SGCG: variants seen among roughly 807,000 people sequenced by gnomAD.
SGCG encodes sarcoglycan gamma.
SGCG carries 26 observed loss-of-function variants against 29.3 expected under a neutral mutation model. The ratio of observed to expected loss-of-function variants is 0.89; its 90% CI spans 0.65 to 1.23. The LOEUF (loss-of-function observed/expected upper bound fraction) is 1.23, where lower values mean the gene tolerates loss of function less well. Among genes scored for constraint, SGCG ranks in the 50% most tolerant of loss-of-function variants. The pLI, the probability that SGCG is intolerant of heterozygous loss-of-function variation, is 0.00. For missense variants in SGCG, 353 were observed against 356.0 expected (o/e 0.99, Z 0.07); for synonymous variants, 145 against 129.7 (o/e 1.12, Z -0.80).
chr13:23,178,900 G>T (rs1876640520), upstream of SGCG, among the ~76,000 whole-genome samples: 1 of 152,150 alleles, frequency 6.6e-6, no homozygotes, highest in African/African-American at 2.4e-5. Flanking sequence ...AGGAAGAAAG[G>T]TCAGCGCTAA....
At chr13:23,169,789 T>C in the SGCG span, 1 of 152,388 alleles carries the variant, frequency 6.6e-6, no homozygotes, top group African/African-American at 2.4e-5. Context: ...CTCAAACTTG[T>C]ATTGGATTCT....
chr13:23,250,007 C>T (rs1341099033), intron 3 of SGCG, among the ~76,000 whole-genome samples: 2 of 152,158 alleles, frequency 1.3e-5, no homozygotes, highest in Non-Finnish European at 2.9e-5. Flanking sequence ...TTTACTGATA[C>T]ATAAAATTGT....
Position 23,324,830 on chromosome 13 carries a change from CT to C in SGCG, c.*290del, listed in dbSNP as rs1290539166. 2 of 420,336 alleles carry C rather than the reference CT, an allele frequency of 4.8e-6. No homozygotes were observed. Among genetic ancestry groups the C allele is most frequent in the South Asian group, 2.0e-5 (1 of 49,056 alleles). The allele number at this position is 420,336 out of a possible 1,614,324, so 26.0% of individuals were successfully genotyped here. ...CGAATTCTCTCTGCCTCGCCTCCCC[CT>C]ATCTTGTCCGTGTGGGCACACACTG... On this transcript the variant is annotated 3_prime_UTR_variant, in exon 8 of 8. Transcript: ENST00000218867.
intron 4 of SGCG, among the ~76,000 whole-genome samples, chr13:23,255,635 C>A (rs956729186): frequency 6.6e-6 from 1 of 152,142 alleles, no homozygotes; most frequent in African/African-American, 2.4e-5. Flanking sequence ...GTAGATCCCT[C>A]ATGATTGGTT....
intron 2 of SGCG, among the ~76,000 whole-genome samples, chr13:23,233,082 G>A (rs1879171525): frequency 6.6e-6 from 1 of 152,142 alleles, no homozygotes; most frequent in Non-Finnish European, 1.5e-5. Flanking sequence ...CGAAAGAATT[G>A]AAAACAGGGC....
the SGCG span, among the ~76,000 whole-genome samples, chr13:23,173,894 T>C: frequency 6.6e-6 from 1 of 152,202 alleles, no homozygotes; most frequent in South Asian, 2.1e-4. Flanking sequence ...TCTTACTCAG[T>C]GTAAACTAGA....
intron 2 of SGCG, among the ~76,000 whole-genome samples, chr13:23,233,731 G>A (rs926532522): frequency 2.0e-5 from 3 of 152,132 alleles, no homozygotes; most frequent in African/African-American, 7.2e-5. Context: ...AAATGGATAA[G>A]CCTCCAAACT....
At chr13:23,249,552 GA>G (rs57474138) in intron 3 of SGCG, among the ~76,000 whole-genome samples, 107,573 of 151,940 alleles carry the variant, frequency 0.71, 38,810 homozygotes, top group East Asian at 0.91. Context: ...CAAGTAAAGC[GA>G]AAAAAATGTG....
chr13:23,226,290 TACTG>T (rs922518734), intron 2 of SGCG, among the ~76,000 whole-genome samples: 1 of 152,044 alleles, frequency 6.6e-6, no homozygotes, highest in African/African-American at 2.4e-5. Flanking sequence ...ACCAAATCAA[TACTG>T]ACTAAATGAA....
upstream of SGCG, among the ~76,000 whole-genome samples, chr13:23,178,144 C>T (rs1415179782): frequency 6.6e-6 from 1 of 152,182 alleles, no homozygotes; most frequent in Non-Finnish European, 1.5e-5. Flanking sequence ...CATCATTCCT[C>T]TGGCAGTCCC....
At chr13:23,186,707 C>G (rs934109262) in intron 1 of SGCG, among the ~76,000 whole-genome samples, 4 of 152,098 alleles carry the variant, frequency 2.6e-5, no homozygotes, top group Non-Finnish European at 4.4e-5. Context: ...GTTCTATCAC[C>G]CTGTCAGGCC....
chr13:23,278,131 G>A (rs1455802188), intron 4 of SGCG, among the ~76,000 whole-genome samples: 1 of 152,060 alleles, frequency 6.6e-6, no homozygotes, highest in Admixed American at 6.5e-5. Context: ...ACTGTGCCCA[G>A]CCTCAACTTA....
At chr13:23,213,120 A>G (rs1176683904) in intron 2 of SGCG, among the ~76,000 whole-genome samples, 3 of 152,130 alleles carry the variant, frequency 2.0e-5, no homozygotes, top group African/African-American at 7.2e-5. Context: ...AAGTACCCAT[A>G]TCTTTGCAGT....
intron 2 of SGCG, among the ~76,000 whole-genome samples, chr13:23,215,308 G>T (rs756277734): frequency 1.1e-4 from 16 of 152,076 alleles, no homozygotes; most frequent in Non-Finnish European, 2.2e-4. Flanking sequence ...ATGTCTTCTG[G>T]TAACATAGTT....
At position 23,233,350 on chromosome 13, in the gene SGCG, G is replaced by C. The variant is rs918888872; in HGVS notation, c.196-1261G>C. ...ATATGATATGATTCCACTTACATAA[G>C]GTACTTAGAATAATCAAATTCATAG... On this transcript the variant is annotated intron_variant, in intron 2 of 7. Transcript: ENST00000218867. Among the ~76,000 whole-genome samples the C allele has an allele frequency of 5.9e-5, 9 of 152,182 alleles. No individual in the cohort carries two copies. The South Asian group carries it at 1.7e-3, about 28-fold the overall frequency.
chr13:23,241,573 C>T (rs1879517641), intron 3 of SGCG, among the ~76,000 whole-genome samples: 1 of 152,160 alleles, frequency 6.6e-6, no homozygotes, highest in Non-Finnish European at 1.5e-5. Context: ...CCTTCTCAAA[C>T]TTTTTCAAAA....
At chr13:23,302,693 T>A (rs1479577041) in intron 6 of SGCG, among the ~76,000 whole-genome samples, 1 of 152,130 alleles carries the variant, frequency 6.6e-6, no homozygotes, top group Middle Eastern at 3.2e-3. Context: ...ATATTAAGAT[T>A]TTTGATAGTA....
At chr13:23,220,682 A>G (rs9578555) in intron 2 of SGCG, among the ~76,000 whole-genome samples, 17,098 of 152,150 alleles carry the variant, frequency 0.11, 1,187 homozygotes, top group Middle Eastern at 0.15. Context: ...TAGATGATCA[A>G]CTCCACCAAT....
chr13:23,299,419 TATATATATATATATATATATATATATATA>T (rs1566037318), intron 6 of SGCG, among the ~76,000 whole-genome samples: 2 of 2,984 alleles, frequency 6.7e-4, no homozygotes, highest in Non-Finnish European at 2.0e-3. Context: ...TATATATATA[TATATATATATATATATATATATATATATA>T]TATATATATT....
Sources: allele counts gnomAD v4.1 joint callset (sites outside exome capture counted in the v4.1 genomes callset), GRCh38; gene constraint gnomAD v4.1.1; transcripts MANE v1.5; gene names NCBI Gene and HGNC (gene_info 2026-07-23, HGNC 2026-07-21).